TFEC: variants seen among roughly 807,000 people sequenced by gnomAD.
The protein encoded by TFEC is class E basic helix-loop-helix protein 34.
Under a neutral mutation model 41.6 loss-of-function variants are expected in TFEC, and 31 were observed. That is an observed-to-expected ratio of 0.74 (90% confidence interval 0.56 to 1.01). The LOEUF is 1.01. TFEC is among the 50% of genes least tolerant of loss of function. The probability of loss-of-function intolerance (pLI) is 0.00; values close to 1 mark genes in which losing one functional copy is unlikely to be tolerated. For missense variants in TFEC, 402 were observed against 404.1 expected, an observed-to-expected ratio of 0.99 and a Z score of 0.04; for synonymous variants, 143 against 140.6, an observed-to-expected ratio of 1.02 and a Z score of -0.12.
chr7:116,020,895 C>G (rs540676470), intron 1 of TFEC, among the ~76,000 whole-genome samples: 1 of 152,136 alleles, frequency 6.6e-6, no homozygotes, highest in Non-Finnish European at 1.5e-5. Flanking sequence ...CAAACAATAA[C>G]AGGATCTTTC....
intron 1 of TFEC, among the ~76,000 whole-genome samples, chr7:115,989,855 T>A (rs1368204200): frequency 6.6e-6 from 1 of 152,210 alleles, no homozygotes; most frequent in African/African-American, 2.4e-5. Flanking sequence ...AACGTCACTG[T>A]CTGACAGCTT....
chr7:116,041,238 C>A (rs1304576267), intron 3 of TFEC, among the ~76,000 whole-genome samples: 1 of 151,494 alleles, frequency 6.6e-6, no homozygotes, highest in African/African-American at 2.4e-5. Flanking sequence ...ATATCGTTTC[C>A]TTTTGTTTTG....
chr7:115,986,270 T>A (rs750643287), intron 1 of TFEC, among the ~76,000 whole-genome samples: 1 of 152,152 alleles, frequency 6.6e-6, no homozygotes, highest in Non-Finnish European at 1.5e-5. Context: ...ACATATATTA[T>A]CTTACTCCAT....
At chr7:115,992,206 A>G (rs1794151725) in intron 1 of TFEC, among the ~76,000 whole-genome samples, 1 of 152,236 alleles carries the variant, frequency 6.6e-6, no homozygotes, top group South Asian at 2.1e-4. Context: ...CATTTAAAGC[A>G]GTGTGTAGAG....
intron 1 of TFEC, among the ~76,000 whole-genome samples, chr7:115,998,024 G>A (rs1433536446): frequency 1.3e-5 from 2 of 151,804 alleles, no homozygotes; most frequent in African/African-American, 2.4e-5. Context: ...GGAAGAGAGA[G>A]GGATAGAAAA....
chr7:116,096,888 G>C (rs114252395), intron 3 of TFEC, among the ~76,000 whole-genome samples: 1 of 151,992 alleles, frequency 6.6e-6, no homozygotes. Flanking sequence ...TCAGGAAATC[G>C]AGAACATCCT....
intron 1 of TFEC, among the ~76,000 whole-genome samples, chr7:116,118,179 A>G (rs969446158): frequency 2.0e-5 from 3 of 151,848 alleles, no homozygotes; most frequent in African/African-American, 7.2e-5. Flanking sequence ...TGGGACAAGA[A>G]TAGACATTTC....
chr7:116,124,815 T>C (rs563105894), intron 1 of TFEC, among the ~76,000 whole-genome samples: 1 of 152,332 alleles, frequency 6.6e-6, no homozygotes, highest in Non-Finnish European at 1.5e-5. Flanking sequence ...CTATGCTGTA[T>C]ATATTGCTGT....
chr7:115,943,556 AT>A (rs1471812286), intron 6 of TFEC, among the ~76,000 whole-genome samples: 7 of 149,706 alleles, frequency 4.7e-5, no homozygotes, highest in Admixed American at 1.3e-4. Flanking sequence ...ACTTACAATA[AT>A]TTTTTTAAGT....
chr7:116,017,432 C>T (rs150556256), intron 1 of TFEC, among the ~76,000 whole-genome samples: 245 of 152,114 alleles, frequency 1.6e-3, no homozygotes, highest in African/African-American at 5.5e-3. Context: ...CCATATTGGC[C>T]GGCTGGTCTC....
chr7:116,084,236 T>C (rs1420304484), intron 3 of TFEC, among the ~76,000 whole-genome samples: 3 of 151,906 alleles, frequency 2.0e-5, no homozygotes, highest in Non-Finnish European at 2.9e-5. Flanking sequence ...AAGCTTTGCC[T>C]AAAATATTTT....
intron 1 of TFEC, among the ~76,000 whole-genome samples, chr7:116,023,000 T>G (rs1470322204): frequency 6.6e-6 from 1 of 151,908 alleles, no homozygotes; most frequent in Non-Finnish European, 1.5e-5. Flanking sequence ...AATTAAAATG[T>G]AACCAGCTTG....
chr7:116,152,455 C>T (rs1420855241), intron 1 of TFEC, among the ~76,000 whole-genome samples: 1 of 152,298 alleles, frequency 6.6e-6, no homozygotes, highest in South Asian at 2.1e-4. Flanking sequence ...CTCCTGAGAT[C>T]TGCAGAGGGT....
At chr7:115,999,144 C>T (rs1794489181) in intron 1 of TFEC, among the ~76,000 whole-genome samples, 1 of 151,892 alleles carries the variant, frequency 6.6e-6, no homozygotes, top group Non-Finnish European at 1.5e-5. Context: ...CAAGTATTTT[C>T]TCTGACCACA....
chr7:116,130,915 A>G (rs1355401468), intron 1 of TFEC, among the ~76,000 whole-genome samples: 1 of 152,192 alleles, frequency 6.6e-6, no homozygotes, highest in African/African-American at 2.4e-5. Context: ...CTCAGCTTGC[A>G]CTATATTTCT....
At chr7:116,123,755 C>T (rs939588661) in intron 1 of TFEC, among the ~76,000 whole-genome samples, 1 of 152,062 alleles carries the variant, frequency 6.6e-6, no homozygotes. Flanking sequence ...CCCTACTACT[C>T]CTATCATGTT....
intron 3 of TFEC, among the ~76,000 whole-genome samples, chr7:116,047,053 A>G (rs112039705): frequency 0.01 from 1,595 of 152,342 alleles, 39 homozygotes; most frequent in African/African-American, 0.037. Flanking sequence ...ACCTGGTTCC[A>G]AGATGGCCGA....
chr7:116,112,549 T>C (rs948419673), intron 1 of TFEC, among the ~76,000 whole-genome samples: 3 of 152,118 alleles, frequency 2.0e-5, no homozygotes, highest in South Asian at 2.1e-4. Flanking sequence ...CACATGACAA[T>C]TGGTGCCCAA....
intron 2 of TFEC, among the ~76,000 whole-genome samples, chr7:115,976,949 T>C (rs1793410125): frequency 6.6e-6 from 1 of 152,186 alleles, no homozygotes; most frequent in Admixed American, 6.5e-5. Flanking sequence ...TTTTCTTTGT[T>C]ACATGAGAAA....
Sources: allele counts gnomAD v4.1 joint callset (sites outside exome capture counted in the v4.1 genomes callset), GRCh38; gene constraint gnomAD v4.1.1; transcripts MANE v1.5; gene names NCBI Gene and HGNC (gene_info 2026-07-23, HGNC 2026-07-21).